SPTBN1: variants seen among roughly 807,000 people sequenced by gnomAD.
SPTBN1 encodes spectrin beta, non-erythrocytic 1, also known as spectrin beta chain, non-erythrocytic 1.
In SPTBN1, 32 loss-of-function variants were observed where a neutral mutation model predicts 266.4. The ratio of observed to expected loss-of-function variants is 0.12; its 90% CI spans 0.09 to 0.16. The LOEUF is 0.16. Ranked by LOEUF, SPTBN1 falls within the 10% of genes least tolerant of loss-of-function variation. The probability of loss-of-function intolerance (pLI) is 1.00; values close to 1 mark genes in which losing one functional copy is unlikely to be tolerated. For synonymous variants in SPTBN1, 1,336 were observed against 1,162.2 expected, an observed-to-expected ratio of 1.15 and a Z score of -3.04; for missense variants, 2,296 against 3,067.1, an observed-to-expected ratio of 0.75 and a Z score of 5.94.
intron 34 of SPTBN1, among the ~76,000 whole-genome samples, chr2:54,667,015 G>A (rs1011294660): frequency 6.6e-6 from 1 of 152,122 alleles, no homozygotes; most frequent in Non-Finnish European, 1.5e-5. Context: ...ATTAGCGAAC[G>A]GCCCCTACCC....
At chr2:54,550,395 T>C (rs1402053262) in intron 2 of SPTBN1, among the ~76,000 whole-genome samples, 1 of 152,176 alleles carries the variant, frequency 6.6e-6, no homozygotes, top group Admixed American at 6.5e-5. Context: ...CCTTAAAATA[T>C]TTCACATTTT....
intron 2 of SPTBN1, among the ~76,000 whole-genome samples, chr2:54,579,168 C>G (rs551812062): frequency 6.6e-6 from 1 of 152,234 alleles, no homozygotes; most frequent in Non-Finnish European, 1.5e-5. Flanking sequence ...CTAGGAGTTT[C>G]TCTAGCTCAT....
chr2:54,521,769 C>G (rs1208074368), intron 1 of SPTBN1, among the ~76,000 whole-genome samples: 1 of 152,222 alleles, frequency 6.6e-6, no homozygotes, highest in Non-Finnish European at 1.5e-5. Flanking sequence ...AGTGATCTGG[C>G]CACCGTGGCC....
Position 54,670,195 on chromosome 2 carries a change from T to G in SPTBN1, c.*1626T>G, listed in dbSNP as rs1681641522. ...AAATGTAAAGTCTATTTTATACAGA[T>G]CAGACCAAAAAGAAGAAAAAAAAAA... On this transcript the variant is annotated 3_prime_UTR_variant, in exon 36 of 36. Coordinates refer to ENST00000356805, the MANE Select transcript of SPTBN1 (RefSeq NM_003128.3). The G allele has an allele frequency of 6.6e-6, 1 of 150,978 alleles. No homozygotes were observed. 9.4% of individuals were successfully genotyped at this position (150,978 alleles called of 1,614,324 possible). A position where few individuals can be genotyped will look rare whatever the true frequency, so the allele number is the denominator to read the frequency against.
At chr2:54,633,166 A>G (rs1005873288) in intron 17 of SPTBN1, among the ~76,000 whole-genome samples, 1 of 152,142 alleles carries the variant, frequency 6.6e-6, no homozygotes, top group African/African-American at 2.4e-5. Flanking sequence ...CATCCATGAG[A>G]AAGAAGCCTG....
chr2:54,601,998 C>G (rs1676529195), intron 3 of SPTBN1, among the ~76,000 whole-genome samples: 1 of 152,172 alleles, frequency 6.6e-6, no homozygotes, highest in Non-Finnish European at 1.5e-5. Context: ...ATCTCTGGTC[C>G]TGGCCTGGTT....
chr2:54,580,002 G>C (rs1242190583), intron 2 of SPTBN1, among the ~76,000 whole-genome samples: 1 of 152,188 alleles, frequency 6.6e-6, no homozygotes. Flanking sequence ...AGACCTGTAT[G>C]ACCTTCTTTA....
intron 2 of SPTBN1, among the ~76,000 whole-genome samples, chr2:54,593,473 C>T (rs1201433735): frequency 6.6e-6 from 1 of 152,072 alleles, no homozygotes; most frequent in Non-Finnish European, 1.5e-5. Context: ...TGCCTCGAGT[C>T]CTGGGTTGTG....
At chr2:54,476,335 C>G (rs1417025394) in intron 1 of SPTBN1, among the ~76,000 whole-genome samples, 1 of 152,140 alleles carries the variant, frequency 6.6e-6, no homozygotes, top group Non-Finnish European at 1.5e-5. Context: ...TATGTGTGAT[C>G]ATTAAAAGTT....
At chr2:54,585,741 C>T (rs185963143) in intron 2 of SPTBN1, among the ~76,000 whole-genome samples, 42 of 152,248 alleles carry the variant, frequency 2.8e-4, no homozygotes, top group African/African-American at 9.6e-4. Context: ...TTTAGATGTC[C>T]TTCCCAGTGT....
intron 26 of SPTBN1, 23 bp downstream of exon 26, chr2:54,650,012 G>T (rs1468734014): frequency 1.9e-6 from 3 of 1,583,292 alleles, no homozygotes; most frequent in African/African-American, 2.7e-5. Context: ...GCCACCCAGG[G>T]GTGCTGGGGA....
At chr2:54,475,178 C>A (rs980996707) in intron 1 of SPTBN1, among the ~76,000 whole-genome samples, 3 of 152,100 alleles carry the variant, frequency 2.0e-5, no homozygotes, top group African/African-American at 7.2e-5. Context: ...TGCACTCCAG[C>A]CTGGGTGACA....
At chr2:54,601,976 C>G (rs1175815433) in intron 3 of SPTBN1, among the ~76,000 whole-genome samples, 2 of 152,154 alleles carry the variant, frequency 1.3e-5, no homozygotes, top group African/African-American at 4.8e-5. Flanking sequence ...TCAGCAACAT[C>G]ACAAGGCAGA....
chr2:54,483,224 G>C (rs79526236), intron 1 of SPTBN1, among the ~76,000 whole-genome samples: 4 of 152,138 alleles, frequency 2.6e-5, no homozygotes, highest in African/African-American at 9.7e-5. Flanking sequence ...TGGGAAACAA[G>C]GACAGTGCTA....
chr2:54,557,964 C>A, intron 2 of SPTBN1: 11 of 985,020 alleles, frequency 1.1e-5, no homozygotes, highest in Non-Finnish European at 1.3e-5. Context: ...AGGTGCGGGC[C>A]GCGTTACCTC....
intron 29 of SPTBN1, 129 bp from the exon 30 acceptor site, chr2:54,657,721 A>AT: frequency 8.9e-7 from 1 of 1,120,660 alleles, no homozygotes; most frequent in Non-Finnish European, 1.3e-6. Flanking sequence ...GACAGGGCTA[A>AT]TTTAGAGTAG....
At chr2:54,531,143 C>G (rs1183623476) in intron 2 of SPTBN1, among the ~76,000 whole-genome samples, 1 of 152,154 alleles carries the variant, frequency 6.6e-6, no homozygotes, top group Non-Finnish European at 1.5e-5. Flanking sequence ...AAATTGTTTT[C>G]CTGAGTTCTG....
At chr2:54,624,696 G>A in intron 10 of SPTBN1, 108 bp from the exon 11 acceptor site, 2 of 1,479,868 alleles carry the variant, frequency 1.4e-6, no homozygotes, top group Non-Finnish European at 9.1e-7. Context: ...TCCCATTCAA[G>A]CTGTCAGGTC....
In SPTBN1 at chr2:54,593,845, T is replaced by TC. The variant is rs1484403903; in HGVS notation, c.149-5247_149-5246insC. Among the ~76,000 whole-genome samples the TC allele has an allele frequency of 2.6e-3, 366 of 140,976 alleles. 2 individuals are homozygous for TC. Among genetic ancestry groups the TC allele is most frequent in the Non-Finnish European group, 4.6e-3 (296 of 64,588 alleles). 92.5% of individuals were successfully genotyped at this position (140,976 alleles called of 152,430 possible). A position where few individuals can be genotyped will look rare whatever the true frequency, so the allele number is the denominator to read the frequency against. On this transcript the variant is annotated intron_variant, in intron 2 of 35. Transcript: ENST00000356805. ...ACACTTTTTTTTTTTTTTTTTTTTT[T>TC]TTTTTGAGACAGAGTCTTAACGCTG... is the stretch of plus-strand genomic sequence containing the variant.
Sources: gnomAD v4.1 joint callset for allele counts (sites outside exome capture counted in the v4.1 genomes callset) on GRCh38, gnomAD v4.1.1 for gene constraint, MANE v1.5 for transcripts, NCBI Gene and HGNC (gene_info 2026-07-23, HGNC 2026-07-21) for gene names.